HMGA2: variants seen among roughly 807,000 people sequenced by gnomAD.
The protein encoded by HMGA2 is high mobility group protein HMGI-C.
In HMGA2, 8 loss-of-function variants were observed where a neutral mutation model predicts 19.1. That is an observed-to-expected ratio of 0.42 (90% CI 0.25 to 0.76). The LOEUF is 0.76. Ranked by LOEUF, HMGA2 falls within the 30% of genes least tolerant of loss-of-function variation. The pLI, the probability that HMGA2 is intolerant of heterozygous loss-of-function variation, is 0.28. For synonymous variants in HMGA2, 60 were observed against 48.8 expected (o/e 1.23, Z -0.96); for missense variants, 109 against 136.3 (o/e 0.80, Z 1.00).
At chr12:65,918,724 T>C (rs1875197588) in intron 3 of HMGA2, among the ~76,000 whole-genome samples, 1 of 152,226 alleles carries the variant, frequency 6.6e-6, no homozygotes, top group African/African-American at 2.4e-5. Flanking sequence ...CTGAAAATAG[T>C]CTTATGGATG....
At chr12:65,876,891 T>C (rs1467935424) in intron 3 of HMGA2, 3 of 152,464 alleles carry the variant, frequency 2.0e-5, no homozygotes, top group East Asian at 1.9e-4. Context: ...AGTAGGCCAA[T>C]TGGTCAGTGG....
intron 3 of HMGA2, among the ~76,000 whole-genome samples, chr12:65,865,795 C>A (rs183196044): frequency 1.3e-5 from 2 of 151,330 alleles, no homozygotes; most frequent in Non-Finnish European, 2.9e-5. Context: ...CCACCACGCC[C>A]GGCTAATTTT....
At position 65,962,409 on chromosome 12, in the gene HMGA2, C is replaced by T. The variant is rs115452961; in HGVS notation, c.283-836C>T. On this transcript the variant is annotated intron_variant, in intron 4 of 4. Coordinates refer to ENST00000403681, the MANE Select transcript of HMGA2 (RefSeq NM_003483.6). ...GAGTTAGATTTATATGAAGAGGGGG[C>T]CTTGCAAAAACATATATATTAGATT... Among the ~76,000 whole-genome samples, 388 of 152,252 alleles carry T rather than the reference C, an allele frequency of 2.5e-3. 1 individual carries two copies. The highest frequency in any genetic ancestry group is 8.9e-3 in the African/African-American group (370 of 41,538).
At chr12:65,917,358 C>A (rs370652933) in intron 3 of HMGA2, among the ~76,000 whole-genome samples, 1 of 152,156 alleles carries the variant, frequency 6.6e-6, no homozygotes, top group South Asian at 2.1e-4. Context: ...TGGTGTTTGA[C>A]AGCTTCCATA....
chr12:65,843,023 T>C, intron 3 of HMGA2: 1 of 325,268 alleles, frequency 3.1e-6, no homozygotes, highest in Non-Finnish European at 5.0e-6. Flanking sequence ...TGGGAACAAG[T>C]GATACTTTTA....
At chr12:65,888,645 G>C (rs1319502569) in intron 3 of HMGA2, among the ~76,000 whole-genome samples, 11 of 116,476 alleles carry the variant, frequency 9.4e-5, no homozygotes, top group Admixed American at 5.8e-4. Flanking sequence ...CTCACTGCAA[G>C]CTCCGCCTCC....
At chr12:65,826,477 C>T (rs1870199138) in intron 1 of HMGA2, 1 of 152,254 alleles carries the variant, frequency 6.6e-6, no homozygotes, top group African/African-American at 2.4e-5. Flanking sequence ...TCTTAAATCG[C>T]TTCCTTCATG....
chr12:65,843,850 A>T (rs1049479296), intron 3 of HMGA2, among the ~76,000 whole-genome samples: 2 of 152,092 alleles, frequency 1.3e-5, no homozygotes, highest in African/African-American at 2.4e-5. Flanking sequence ...GGAGTTCGAG[A>T]CCAGCCTGGC....
At chr12:65,894,107 G>A (rs1213104925) in intron 3 of HMGA2, among the ~76,000 whole-genome samples, 2 of 152,154 alleles carry the variant, frequency 1.3e-5, no homozygotes, top group Non-Finnish European at 2.9e-5. Flanking sequence ...TCGTGAGCCT[G>A]GTTGTATGCC....
chr12:65,953,952 A>G (rs765552585), intron 4 of HMGA2: 1 of 152,162 alleles, frequency 6.6e-6, no homozygotes, highest in Non-Finnish European at 1.5e-5. Flanking sequence ...CTTCAACAGC[A>G]CTTTGAGGGG....
At chr12:65,845,996 G>C (rs561589601) in intron 3 of HMGA2, among the ~76,000 whole-genome samples, 4 of 152,274 alleles carry the variant, frequency 2.6e-5, no homozygotes, top group Admixed American at 2.0e-4. Flanking sequence ...TCCACCAGAT[G>C]GGGGGCAGGG....
chr12:65,930,002 GA>G (rs1424877343), intron 3 of HMGA2, among the ~76,000 whole-genome samples: 2 of 152,124 alleles, frequency 1.3e-5, no homozygotes, highest in Non-Finnish European at 2.9e-5. Flanking sequence ...ATGAAAGATA[GA>G]AAAAGATGAG....
chr12:65,850,904 A>T (rs974103145), intron 3 of HMGA2, among the ~76,000 whole-genome samples: 1 of 152,192 alleles, frequency 6.6e-6, no homozygotes, highest in African/African-American at 2.4e-5. Context: ...TTCCTGTGAC[A>T]GGAGGGTCTT....
intron 3 of HMGA2, among the ~76,000 whole-genome samples, chr12:65,850,997 C>G (rs150096846): frequency 6.6e-6 from 1 of 152,314 alleles, no homozygotes; most frequent in South Asian, 2.1e-4. Flanking sequence ...CAGAGAACAT[C>G]TGCTATGTTC....
At chr12:65,914,217 A>G (rs951465632) in intron 3 of HMGA2, among the ~76,000 whole-genome samples, 6 of 152,096 alleles carry the variant, frequency 3.9e-5, no homozygotes, top group Non-Finnish European at 8.8e-5. Flanking sequence ...GGCATTATTC[A>G]CAATAGCAAA....
At chr12:65,826,657 C>T (rs888809252) in intron 1 of HMGA2, 3 of 151,986 alleles carry the variant, frequency 2.0e-5, no homozygotes, top group Admixed American at 6.5e-5. Context: ...AGTTTTCCCG[C>T]TCTGCCCAAG....
At chr12:65,842,715 T>A (rs2120892783) in intron 3 of HMGA2, 2 of 1,469,424 alleles carry the variant, frequency 1.4e-6, no homozygotes, top group East Asian at 5.0e-5. Context: ...TACAGAGATG[T>A]GCTGATTCTC....
At chr12:65,900,868 G>C (rs1352887048) in intron 3 of HMGA2, among the ~76,000 whole-genome samples, 1 of 152,124 alleles carries the variant, frequency 6.6e-6, no homozygotes. Flanking sequence ...GTTAAACATA[G>C]CCCTTACTAA....
chr12:65,939,994 T>C (rs1240605953), intron 3 of HMGA2, among the ~76,000 whole-genome samples: 4 of 152,180 alleles, frequency 2.6e-5, no homozygotes, highest in Non-Finnish European at 5.9e-5. Flanking sequence ...ATACATGAGA[T>C]TGTAAAGTCC....
Sources: allele counts gnomAD v4.1 joint callset (sites outside exome capture counted in the v4.1 genomes callset), GRCh38; gene constraint gnomAD v4.1.1; transcripts MANE v1.5; gene names NCBI Gene and HGNC (gene_info 2026-07-23, HGNC 2026-07-21).